The following ADAMTSL3 variants were observed in gnomAD, a reference collection of about 807,000 sequenced individuals.
The protein encoded by ADAMTSL3 is ADAMTS-like protein 3.
A neutral mutation model predicts 201.7 loss-of-function variants in ADAMTSL3; 128 were observed. The observed-to-expected ratio is 0.63, with a 90% confidence interval of 0.55 to 0.73. The LOEUF is 0.73. Among genes scored for constraint, ADAMTSL3 ranks in the 30% least tolerant of loss-of-function variants. ADAMTSL3 has a pLI of 0.00. For missense variants in ADAMTSL3, 1,990 were observed against 2,119.6 expected, an observed-to-expected ratio of 0.94 and a Z score of 1.20; for synonymous variants, 738 against 748.4, an observed-to-expected ratio of 0.99 and a Z score of 0.23.
intron 9 of ADAMTSL3, among the ~76,000 whole-genome samples, chr15:83,873,009 A>G (rs1477975752): frequency 6.9e-6 from 1 of 145,832 alleles, no homozygotes; most frequent in South Asian, 2.1e-4. Context: ...AATAATGTTT[A>G]AAAGGAAGAA....
chr15:83,809,194 C>G (rs369326003), intron 5 of ADAMTSL3, among the ~76,000 whole-genome samples: 3 of 152,026 alleles, frequency 2.0e-5, no homozygotes, highest in East Asian at 3.9e-4. Flanking sequence ...TGCTAATGAC[C>G]CTAATTTGTT....
At chr15:83,695,799 G>A (rs1274632756) in intron 2 of ADAMTSL3, among the ~76,000 whole-genome samples, 1 of 152,054 alleles carries the variant, frequency 6.6e-6, no homozygotes, top group Non-Finnish European at 1.5e-5. Flanking sequence ...GAAGGTTTTG[G>A]ACACTTAAGA....
intron 23 of ADAMTSL3, among the ~76,000 whole-genome samples, chr15:84,002,959 T>C (rs1220930293): frequency 1.6e-5 from 2 of 124,754 alleles, no homozygotes; most frequent in African/African-American, 6.2e-5. Context: ...TTTTTTTGGC[T>C]TAGAGACAGT....
intron 23 of ADAMTSL3, among the ~76,000 whole-genome samples, chr15:84,003,784 T>G (rs888446303): frequency 1.3e-5 from 2 of 152,128 alleles, no homozygotes; most frequent in African/African-American, 4.8e-5. Context: ...ACAGGACAAG[T>G]GTGCAGCATG....
chr15:83,779,863 A>G (rs552984036), intron 4 of ADAMTSL3, among the ~76,000 whole-genome samples: 2 of 152,350 alleles, frequency 1.3e-5, no homozygotes, highest in South Asian at 4.1e-4. Flanking sequence ...GCAGAAATCA[A>G]GAAGTTATTT....
At chr15:83,930,123 A>G (rs1396738281) in intron 17 of ADAMTSL3, among the ~76,000 whole-genome samples, 1 of 152,168 alleles carries the variant, frequency 6.6e-6, no homozygotes, top group Non-Finnish European at 1.5e-5. Context: ...ACGTCTCTCA[A>G]GGAATTTCAG....
intron 6 of ADAMTSL3, among the ~76,000 whole-genome samples, chr15:83,830,370 A>T (rs976276265): frequency 6.6e-6 from 1 of 152,224 alleles, no homozygotes; most frequent in Non-Finnish European, 1.5e-5. Context: ...GAACTAGCAC[A>T]GGGAGAGGTG....
At chr15:83,961,854 C>T (rs151265367) in intron 19 of ADAMTSL3, 42 of 152,262 alleles carry the variant, frequency 2.8e-4, no homozygotes, top group African/African-American at 9.4e-4. Flanking sequence ...AATCAACTAA[C>T]AATTATATTA....
intron 15 of ADAMTSL3, among the ~76,000 whole-genome samples, chr15:83,902,181 C>T (rs1399845212): frequency 6.6e-6 from 1 of 152,210 alleles, no homozygotes; most frequent in Non-Finnish European, 1.5e-5. Flanking sequence ...CCTACAACAG[C>T]TTTCTAATTT....
intron 17 of ADAMTSL3, 40 bp from the exon 18 acceptor site, chr15:83,942,556 A>C: frequency 6.3e-7 from 1 of 1,587,552 alleles, no homozygotes; most frequent in Non-Finnish European, 8.6e-7. Flanking sequence ...ACGTTGGTTT[A>C]TTGGACTGTT....
chr15:83,797,758 G>A (rs984892231), intron 4 of ADAMTSL3, among the ~76,000 whole-genome samples: 4 of 152,170 alleles, frequency 2.6e-5, no homozygotes, highest in Non-Finnish European at 5.9e-5. Flanking sequence ...ATGTTAGAGA[G>A]CAATTTGTCA....
At chr15:83,948,838 G>A (rs796440942) in intron 19 of ADAMTSL3, among the ~76,000 whole-genome samples, 1 of 151,794 alleles carries the variant, frequency 6.6e-6, no homozygotes, top group African/African-American at 2.4e-5. Flanking sequence ...GAATCACTAG[G>A]CAGATAACAA....
Position 84,036,849 on chromosome 15 carries a change from G to A in ADAMTSL3, c.4831G>A (p.Ala1611Thr). The change falls in exon 29 of 30, where the codon GCA (alanine) becomes ACA (threonine). Residue 1611 changes from alanine to threonine, a missense_variant. By Grantham distance (58) the Ala-to-Thr change is moderately conservative. Coordinates refer to ENST00000286744, the MANE Select transcript of ADAMTSL3 (RefSeq NM_207517.3). ...WHTGPWKPCT[A>T]ACGRGFQSRK... ...CACAGGCCCTTGGAAGCCCTGTACAGCAGCCTGTGGCAGGGGTTTCCAGTC... is the reference window on the plus strand; with the variant it reads ...CACAGGCCCTTGGAAGCCCTGTACAACAGCCTGTGGCAGGGGTTTCCAGTC... 4 of 1,614,012 alleles carry A rather than the reference G, an allele frequency of 2.5e-6. 1 individual carries two copies. The highest frequency in any genetic ancestry group is 4.5e-5 in the East Asian group (2 of 44,878).
chr15:83,792,196 A>G (rs879788991), intron 4 of ADAMTSL3, among the ~76,000 whole-genome samples: 1 of 152,206 alleles, frequency 6.6e-6, no homozygotes, highest in Non-Finnish European at 1.5e-5. Flanking sequence ...AAAAATGGGC[A>G]AAGGACCCAA....
rs183414239 is a variant in ADAMTSL3 at position 83,780,612 on chromosome 15, A to T, written c.317+6962A>T. 3.9e-5 allele frequency among the ~76,000 whole-genome samples: 6 copies of T among 152,246 alleles called. No homozygotes were observed. In the East Asian group the frequency reaches 1.2e-3, roughly 29 times the overall value. ...AACATAGTGCTGGAAATTTTGGATG[A>T]GGCAATCAGACAAGAGAAAGAAATA... On this transcript the variant is annotated intron_variant, in intron 4 of 29. Transcript: ENST00000286744.
intron 19 of ADAMTSL3, among the ~76,000 whole-genome samples, chr15:83,957,722 CTTAT>C (rs2066888117): frequency 6.6e-6 from 1 of 152,058 alleles, no homozygotes; most frequent in African/African-American, 2.4e-5. Flanking sequence ...AGAAAAATGG[CTTAT>C]TTTAGACATA....
At chr15:83,906,212 T>G (rs1283376703) in intron 15 of ADAMTSL3, among the ~76,000 whole-genome samples, 1 of 152,218 alleles carries the variant, frequency 6.6e-6, no homozygotes, top group African/African-American at 2.4e-5. Context: ...TGTTCTTGAT[T>G]GTTCTCACCT....
chr15:83,989,203 A>G (rs547031007), intron 22 of ADAMTSL3, among the ~76,000 whole-genome samples: 4 of 152,272 alleles, frequency 2.6e-5, no homozygotes, highest in Non-Finnish European at 5.9e-5. Flanking sequence ...TTTAACATTA[A>G]ATTCTAGAGC....
intron 23 of ADAMTSL3, among the ~76,000 whole-genome samples, chr15:83,999,479 C>T (rs189560113): frequency 1.4e-4 from 22 of 152,318 alleles, no homozygotes; most frequent in Non-Finnish European, 3.1e-4. Flanking sequence ...GCCAAATTGC[C>T]AGCTAGGAAG....
Sources: gnomAD v4.1 joint callset for allele counts (sites outside exome capture counted in the v4.1 genomes callset) on GRCh38, gnomAD v4.1.1 for gene constraint, MANE v1.5 for transcripts, NCBI Gene and HGNC (gene_info 2026-07-23, HGNC 2026-07-21) for gene names.